CSMD1: variants seen among roughly 807,000 people sequenced by gnomAD.
The protein encoded by CSMD1 is CUB and Sushi multiple domains 1.
A neutral mutation model predicts 417.5 loss-of-function variants in CSMD1; 213 were observed. The ratio of observed to expected loss-of-function variants is 0.51; its 90% CI spans 0.46 to 0.57. CSMD1 has a LOEUF of 0.57. Ranked by LOEUF, CSMD1 falls within the 20% of genes least tolerant of loss-of-function variation. CSMD1 has a pLI of 0.00. For missense variants in CSMD1, 6,923 were observed against 4,529.7 expected (o/e 1.53, Z -15.17); for synonymous variants, 2,862 against 1,736.8 (o/e 1.65, Z -16.11).
chr8:4,175,942 ACATT>A (rs1798014470), intron 3 of CSMD1, among the ~76,000 whole-genome samples: 1 of 152,110 alleles, frequency 6.6e-6, no homozygotes, highest in African/African-American at 2.4e-5. Context: ...GGTGCTGTCG[ACATT>A]GGTGGCATGG....
chr8:3,139,657 G>C (rs1326195289), intron 41 of CSMD1, among the ~76,000 whole-genome samples: 1 of 152,144 alleles, frequency 6.6e-6, no homozygotes, highest in Non-Finnish European at 1.5e-5. Context: ...GCTGGAGGAA[G>C]ACAAGAGGTC....
At chr8:4,144,136 C>T (rs932354573) in intron 3 of CSMD1, among the ~76,000 whole-genome samples, 1 of 151,044 alleles carries the variant, frequency 6.6e-6, no homozygotes, top group Admixed American at 6.6e-5. Flanking sequence ...CCCCCAGACC[C>T]AGATGTTTCC....
In CSMD1 at chr8:3,795,050, G is replaced by A. The variant is rs200068834; in HGVS notation, c.819-41008C>T. ...ATAGCTATAGATACATATCTATCAT[G>A]TATAGCTATAGATATATATCTATCA... On this transcript the variant is annotated intron_variant, in intron 5 of 69. Transcript: ENST00000635120. Among the ~76,000 whole-genome samples, 1,357 of 148,554 alleles carry A rather than the reference G, an allele frequency of 9.1e-3. 38 individuals are homozygous for A. The highest frequency in any genetic ancestry group is 0.026 in the East Asian group (126 of 4,930).
intron 2 of CSMD1, among the ~76,000 whole-genome samples, chr8:4,589,574 G>C (rs1309643676): frequency 6.6e-6 from 1 of 152,080 alleles, no homozygotes; most frequent in Non-Finnish European, 1.5e-5. Flanking sequence ...CTATAATATG[G>C]GACTTGCTTG....
intron 40 of CSMD1, among the ~76,000 whole-genome samples, chr8:3,146,688 A>G (rs1196759165): frequency 1.3e-5 from 2 of 152,138 alleles, no homozygotes; most frequent in African/African-American, 4.8e-5. Flanking sequence ...GTCCCGCAGT[A>G]GGTCACTGTC....
Position 4,701,162 on chromosome 8 carries a change from C to A in CSMD1, c.86-63604G>T, listed in dbSNP as rs372494432. Among the ~76,000 whole-genome samples, 6 of 152,122 alleles carry A rather than the reference C, an allele frequency of 3.9e-5. No homozygotes were observed. The East Asian group carries it at 1.2e-3, about 30-fold the overall frequency. The stretch of plus-strand genomic sequence containing the variant: ...TTTTACACAAAGCTGTGGGCTCCCC[C>A]ACAGCTAGGGGAGAGTCCGTCCGCT... On this transcript the variant is annotated intron_variant, in intron 1 of 69. Coordinates refer to ENST00000635120, the MANE Select transcript of CSMD1 (RefSeq NM_033225.6).
At chr8:3,136,828 C>A (rs1235366728) in intron 41 of CSMD1, among the ~76,000 whole-genome samples, 2 of 152,158 alleles carry the variant, frequency 1.3e-5, no homozygotes, top group African/African-American at 4.8e-5. Context: ...TCTACAAAAT[C>A]CAACATTACC....
At position 3,761,769 on chromosome 8, in the gene CSMD1, G is replaced by C. The variant is rs114276202; in HGVS notation, c.819-7727C>G. ...GATCCATCTGCTTAGGCCTCCTAAA[G>C]TGCTAGGATTACAGGCTTGAGCAAC... On this transcript the variant is annotated intron_variant, in intron 5 of 69. Transcript: ENST00000635120. 8.2e-3 allele frequency among the ~76,000 whole-genome samples: 1,245 copies of C among 152,232 alleles called. 33 individuals are homozygous for C. The highest frequency in any genetic ancestry group is 0.029 in the African/African-American group (1,211 of 41,536).
intron 3 of CSMD1, among the ~76,000 whole-genome samples, chr8:4,128,239 G>C (rs753215660): frequency 6.6e-5 from 10 of 152,130 alleles, no homozygotes; most frequent in Non-Finnish European, 1.3e-4. Flanking sequence ...TTTCTGCATG[G>C]CTGACAGGTG....
chr8:4,721,092 G>A (rs1563216959), intron 1 of CSMD1, among the ~76,000 whole-genome samples: 2 of 152,112 alleles, frequency 1.3e-5, no homozygotes. Flanking sequence ...GGTTAAGGAG[G>A]AAGTATGAAA....
chr8:4,373,137 A>T (rs1214903883), intron 3 of CSMD1, among the ~76,000 whole-genome samples: 1 of 151,912 alleles, frequency 6.6e-6, no homozygotes, highest in African/African-American at 2.4e-5. Flanking sequence ...AACATCAGAC[A>T]CCTCCCTAGG....
intron 3 of CSMD1, among the ~76,000 whole-genome samples, chr8:4,232,178 C>T (rs1425076989): frequency 1.3e-5 from 2 of 152,110 alleles, no homozygotes. Flanking sequence ...TATTGAGAAA[C>T]ACTTGTCCTT....
At chr8:4,788,644 A>C in intron 1 of CSMD1, 1 of 710,088 alleles carries the variant, frequency 1.4e-6, no homozygotes, top group Non-Finnish European at 2.4e-6. Context: ...ATTTAGCTGA[A>C]GGAAAATCAA....
chr8:3,903,407 C>G (rs1807896931), intron 5 of CSMD1, among the ~76,000 whole-genome samples: 1 of 151,954 alleles, frequency 6.6e-6, no homozygotes, highest in Non-Finnish European at 1.5e-5. Context: ...TTTCCAATGC[C>G]AGAGCATTAA....
chr8:4,989,397 G>C (rs1361697983), intron 1 of CSMD1, among the ~76,000 whole-genome samples: 1 of 152,184 alleles, frequency 6.6e-6, no homozygotes, highest in Non-Finnish European at 1.5e-5. Flanking sequence ...TATCCTAGGA[G>C]ACAACAGGCT....
At chr8:3,437,233 A>G (rs748988615) in intron 12 of CSMD1, among the ~76,000 whole-genome samples, 2 of 152,198 alleles carry the variant, frequency 1.3e-5, no homozygotes, top group Non-Finnish European at 2.9e-5. Flanking sequence ...GATTTGATGT[A>G]TCCTTGTCTA....
At chr8:4,174,378 G>A (rs746529963) in intron 3 of CSMD1, among the ~76,000 whole-genome samples, 9 of 152,002 alleles carry the variant, frequency 5.9e-5, no homozygotes, top group Admixed American at 2.6e-4. Context: ...AGTCATTTGC[G>A]CAAGGCCTAA....
chr8:3,494,044 A>T (rs2117305475), intron 10 of CSMD1, among the ~76,000 whole-genome samples: 1 of 152,328 alleles, frequency 6.6e-6, no homozygotes, highest in South Asian at 2.1e-4. Flanking sequence ...TGCTTAACTA[A>T]ATCAATATTA....
rs184729791 is a variant in CSMD1, at chr8:4,762,634, C to T, written c.86-125076G>A. Among the ~76,000 whole-genome samples, 180 of 152,186 alleles carry T rather than the reference C, an allele frequency of 1.2e-3. 1 individual carries two copies. Among genetic ancestry groups the T allele is most frequent in the Non-Finnish European group, 1.2e-3 (83 of 68,012 alleles). On this transcript the variant is annotated intron_variant, in intron 1 of 69. Coordinates refer to ENST00000635120, the MANE Select transcript of CSMD1 (RefSeq NM_033225.6). The stretch of plus-strand genomic sequence containing the variant: ...TGATGGGCCCCGCATTTGCATAGGA[C>T]GCAGCGTCTCCACCTCTGCTGTAGC...
Sources: allele counts gnomAD v4.1 joint callset (sites outside exome capture counted in the v4.1 genomes callset), GRCh38; gene constraint gnomAD v4.1.1; transcripts MANE v1.5; gene names NCBI Gene and HGNC (gene_info 2026-07-23, HGNC 2026-07-21).